Variants in GTF2H1 observed in about 807,000 individuals in gnomAD.
GTF2H1 encodes the protein BTF2 p62.
In GTF2H1, 16 loss-of-function variants were observed where a neutral mutation model predicts 71.2. That is an observed-to-expected ratio of 0.22 (90% CI 0.15 to 0.34). The LOEUF (loss-of-function observed/expected upper bound fraction) is 0.34. Among genes scored for constraint, GTF2H1 ranks in the 10% least tolerant of loss-of-function variants. The pLI is 1.00. For missense variants in GTF2H1, 498 were observed against 648.2 expected (o/e 0.77, Z 2.52); for synonymous variants, 215 against 219.0 (o/e 0.98, Z 0.16).
At chr11:18,335,383 A>AT (rs1010058149) in intron 2 of GTF2H1, among the ~76,000 whole-genome samples, 10 of 152,174 alleles carry the variant, frequency 6.6e-5, no homozygotes, top group Non-Finnish European at 8.8e-5. Context: ...ATGATAGGTC[A>AT]TTTTTTATTA....
chr11:18,335,607 A>G, intron 2 of GTF2H1, 147 bp from the exon 3 acceptor site: 1 of 603,656 alleles, frequency 1.7e-6, no homozygotes, highest in Non-Finnish European at 3.0e-6. Context: ...TCATTTAAGA[A>G]GAGTGCATTC....
rs1054790650 is a variant in GTF2H1 at position 18,365,751 on chromosome 11, C to G, written c.1561-32C>G. The G allele has an allele frequency of 3.4e-6, 5 of 1,475,948 alleles. No homozygotes were observed. In the African/African-American group the frequency reaches 4.2e-5, roughly 12 times the overall value. 91.4% of individuals were successfully genotyped at this position (1,475,948 alleles called of 1,614,324 possible). A position where few individuals can be genotyped will look rare whatever the true frequency, so the allele number is the denominator to read the frequency against. ...AAGGATTAACTTCCCCTGCTTTTGC[C>G]CAGTTGTTAAGTGTCTTGCTGTGTT... is the stretch of plus-strand genomic sequence containing the variant. On this transcript the variant is annotated intron_variant, in intron 14 of 14. Transcript: ENST00000265963.
chr11:18,339,808 G>A (rs1440967442), intron 5 of GTF2H1, 151 bp downstream of exon 5: 5 of 577,970 alleles, frequency 8.7e-6, no homozygotes, highest in Non-Finnish European at 3.0e-6. Flanking sequence ...GTAGATACTA[G>A]GGGCTCAGTA....
chr11:18,340,271 A>T (rs1865126504), intron 5 of GTF2H1, among the ~76,000 whole-genome samples: 1 of 151,648 alleles, frequency 6.6e-6, no homozygotes, highest in South Asian at 2.1e-4. Flanking sequence ...CCTGGGCAAC[A>T]AAACAAGACC....
At position 18,347,843 on chromosome 11, in the gene GTF2H1, A is replaced by G; in HGVS notation, c.977A>G (p.Asn326Ser). The G allele has an allele frequency of 6.2e-7, 1 of 1,605,004 alleles. No homozygotes were observed. The highest frequency in any genetic ancestry group is 1.1e-5 in the South Asian group (1 of 89,650). Reference protein sequence around the residue: ...AAGLRKQEAQNEQTSEPSNMD... With the variant: ...AAGLRKQEAQSEQTSEPSNMD... ...CCCTTTATTTTAAGAGAAGCACAAA[A>G]TGAACAAACTAGTGAGCCCAGCAAC... is the stretch of plus-strand genomic sequence containing the variant. The change falls in exon 9 of 15, where the codon AAT (asparagine) becomes AGT (serine). Residue 326 changes from asparagine to serine, a missense_variant. Transcript: ENST00000265963.
chr11:18,365,738 C>G (rs771151237), intron 14 of GTF2H1, 45 bp from the exon 15 acceptor site: 20 of 1,327,838 alleles, frequency 1.5e-5, no homozygotes, highest in Non-Finnish European at 2.1e-5. Flanking sequence ...GGATTAACTT[C>G]CCCTGCTTTT....
intron 14 of GTF2H1, among the ~76,000 whole-genome samples, chr11:18,362,605 T>TTC (rs972336195): frequency 6.6e-6 from 1 of 151,482 alleles, no homozygotes; most frequent in East Asian, 1.9e-4. Flanking sequence ...CTATAAGCCT[T>TTC]TCTCTCTCTC....
At chr11:18,351,121 A>T (rs1865410745) in intron 9 of GTF2H1, among the ~76,000 whole-genome samples, 1 of 152,170 alleles carries the variant, frequency 6.6e-6, no homozygotes, top group African/African-American at 2.4e-5. Context: ...GAGTGGATCT[A>T]AGATTAAGCA....
At chr11:18,345,499 C>CTTTTT (rs772599660) in intron 7 of GTF2H1, among the ~76,000 whole-genome samples, 1 of 135,026 alleles carries the variant, frequency 7.4e-6, no homozygotes, top group African/African-American at 2.7e-5. Context: ...GCATATGGAT[C>CTTTTT]TTTTTTTTTT....
At chr11:18,346,374 T>C (rs970329870) in intron 7 of GTF2H1, among the ~76,000 whole-genome samples, 2 of 152,198 alleles carry the variant, frequency 1.3e-5, no homozygotes, top group Non-Finnish European at 2.9e-5. Context: ...TGAAATGTTA[T>C]TGTCTCCGAT....
intron 12 of GTF2H1, 38 bp downstream of exon 12, chr11:18,358,080 A>G (rs764400636): frequency 2.2e-5 from 33 of 1,468,486 alleles, no homozygotes; most frequent in Non-Finnish European, 2.7e-5. Context: ...TTCTGCCTAA[A>G]TCAGCTTTAA....
At position 18,364,443 on chromosome 11, in the gene GTF2H1, C is replaced by T. The variant is rs923985696; in HGVS notation, c.1561-1340C>T. 7.9e-5 allele frequency among the ~76,000 whole-genome samples: 12 copies of T among 152,156 alleles called. No homozygotes were observed. In the East Asian group the frequency reaches 2.1e-3, roughly 27 times the overall value. On this transcript the variant is annotated intron_variant, in intron 14 of 14. Transcript: ENST00000265963. ...CTCAAAAGTCAGTATAAGCCAGATG[C>T]GGTGGTATGCACATGTAGTCCCAGC...
At chr11:18,341,671 A>G in intron 7 of GTF2H1, 64 bp downstream of exon 7, 1 of 1,016,470 alleles carries the variant, frequency 9.8e-7, no homozygotes, top group Non-Finnish European at 1.5e-6. Flanking sequence ...ACATTGTCTT[A>G]AGCGTAGTAG....
intron 1 of GTF2H1, among the ~76,000 whole-genome samples, chr11:18,323,458 A>G (rs1299880120): frequency 6.6e-6 from 1 of 152,030 alleles, no homozygotes; most frequent in African/African-American, 2.4e-5. Flanking sequence ...CTGGCCCCAA[A>G]TGACTCCTAA....
At position 18,341,394 on chromosome 11, in the gene GTF2H1, C is replaced by T; in HGVS notation, c.741C>T (p.Ala247=). 6.2e-7 allele frequency: 1 copy of T among 1,613,502 alleles called. No homozygotes were observed. The highest frequency in any genetic ancestry group is 8.5e-7 in the Non-Finnish European group (1 of 1,179,834). ...CAAAGGATCTCTTTGCAGAATGTGC[C>T]AAAATAGATGAAAAAGGTAACTGTT... The part of the protein sequence containing the change: ...TGSKDLFAEC[A]KIDEKGLKTM... Residue 247 remains alanine, a synonymous_variant, in exon 6 of 15, where the codon GCC becomes GCT. Coordinates refer to ENST00000265963, the MANE Select transcript of GTF2H1 (RefSeq NM_005316.4).
At chr11:18,352,276 G>T (rs1170930437) in intron 10 of GTF2H1, 53 bp from the exon 11 acceptor site, 6 of 818,260 alleles carry the variant, frequency 7.3e-6, no homozygotes, top group Middle Eastern at 2.3e-4. Flanking sequence ...AAAGACAAAT[G>T]TTGAGCATCT....
intron 1 of GTF2H1, among the ~76,000 whole-genome samples, chr11:18,332,397 A>G (rs1214367271): frequency 1.3e-5 from 2 of 152,202 alleles, no homozygotes; most frequent in East Asian, 3.8e-4. Context: ...TGGGCATTTA[A>G]GATTCTCAGA....
chr11:18,362,623 C>G (rs4150678), intron 14 of GTF2H1, among the ~76,000 whole-genome samples: 62,300 of 148,974 alleles, frequency 0.42, 15,282 homozygotes, highest in East Asian at 0.59. Flanking sequence ...CTCTTTCTCT[C>G]TCTCTCTCCC....
chr11:18,342,755 A>G (rs1590189381), intron 7 of GTF2H1, among the ~76,000 whole-genome samples: 1 of 152,342 alleles, frequency 6.6e-6, no homozygotes, highest in Non-Finnish European at 1.5e-5. Flanking sequence ...TAAAATAAAC[A>G]TGATGGCATA....
Sources: gnomAD v4.1 joint callset for allele counts (sites outside exome capture counted in the v4.1 genomes callset) on GRCh38, gnomAD v4.1.1 for gene constraint, MANE v1.5 for transcripts, NCBI Gene and HGNC (gene_info 2026-07-23, HGNC 2026-07-21) for gene names.